AKAP7: variants seen among roughly 807,000 people sequenced by gnomAD.
AKAP7 encodes A-kinase anchoring protein 7, also known as A kinase (PRKA) anchor protein 7.
A neutral mutation model predicts 39.5 loss-of-function variants in AKAP7; 39 were observed. The observed-to-expected ratio is 0.99, with a 90% CI of 0.76 to 1.29. AKAP7 has a LOEUF of 1.29. AKAP7 is among the 50% of genes most tolerant of loss of function. The probability of loss-of-function intolerance (pLI) is 0.00; values close to 1 mark genes in which losing one functional copy is unlikely to be tolerated. For synonymous variants in AKAP7, 140 were observed against 139.1 expected, an observed-to-expected ratio of 1.01 and a Z score of -0.05; for missense variants, 414 against 407.7, an observed-to-expected ratio of 1.02 and a Z score of -0.13.
At chr6:131,168,882 G>A (rs543793524) in intron 4 of AKAP7, among the ~76,000 whole-genome samples, 1 of 152,058 alleles carries the variant, frequency 6.6e-6, no homozygotes, top group Non-Finnish European at 1.5e-5. Context: ...CTACTTTCAT[G>A]TCTTTAATAG....
upstream of AKAP7, among the ~76,000 whole-genome samples, chr6:131,132,240 G>A (rs921350523): frequency 6.6e-6 from 1 of 151,944 alleles, no homozygotes; most frequent in African/African-American, 2.4e-5. Context: ...GGGAACCCGG[G>A]AGGCGGAGCT....
chr6:131,237,623 G>C (rs550890613), intron 7 of AKAP7, among the ~76,000 whole-genome samples: 9 of 152,094 alleles, frequency 5.9e-5, no homozygotes, highest in Non-Finnish European at 1.2e-4. Context: ...CTTCTTCCTG[G>C]TTTAGTCTTG....
intron 5 of AKAP7, among the ~76,000 whole-genome samples, chr6:131,197,473 C>T (rs1401280464): frequency 1.3e-5 from 2 of 152,100 alleles, no homozygotes; most frequent in Non-Finnish European, 2.9e-5. Context: ...CCATCTCTTT[C>T]CCCCTTGTTC....
intron 3 of AKAP7, 57 bp from the exon 4 acceptor site, chr6:131,165,024 G>C: frequency 2.0e-5 from 28 of 1,375,332 alleles, no homozygotes; most frequent in Admixed American, 2.6e-5. Context: ...TTACCATAAA[G>C]AAATTTTGCT....
chr6:131,282,608 C>G lies in AKAP7; in HGVS notation c.*882C>G. The G allele has an allele frequency of 1.3e-6, 2 of 1,529,688 alleles. No individual in the cohort carries two copies. Among genetic ancestry groups the G allele is most frequent in the Non-Finnish European group, 1.8e-6 (2 of 1,141,844 alleles). The allele number at this position is 1,529,688 out of a possible 1,614,324, so 94.8% of individuals were successfully genotyped here. On this transcript the variant is annotated 3_prime_UTR_variant, in exon 8 of 8. Transcript: ENST00000431975. ...TTTCAGCACAACTTTGACATAAGCT[C>G]TACATTGCGATTGTGACAACATAGC...
intron 4 of AKAP7, among the ~76,000 whole-genome samples, chr6:131,167,073 C>T (rs373841944): frequency 1.3e-5 from 2 of 152,120 alleles, no homozygotes; most frequent in Non-Finnish European, 2.9e-5. Context: ...AAAAGACTTA[C>T]AAATGTCCTG....
intron 7 of AKAP7, among the ~76,000 whole-genome samples, chr6:131,255,210 G>A (rs1273722141): frequency 2.6e-5 from 4 of 152,040 alleles, no homozygotes; most frequent in East Asian, 1.9e-4. Flanking sequence ...GGTAGGTGTC[G>A]TACATCTCTC....
In AKAP7 at chr6:131,241,581, G is replaced by A. The variant is rs142213916; in HGVS notation, c.850+21773G>A. ...TCCAGGACATAGATTATATATATGT[G>A]TGTGTGTGTGTGTGTGTGTGTGTGT... On this transcript the variant is annotated intron_variant, in intron 7 of 7. Transcript: ENST00000431975. Among the ~76,000 whole-genome samples, 572 of 57,522 alleles carry A rather than the reference G, an allele frequency of 9.9e-3. 6 individuals carry two copies. Among genetic ancestry groups the A allele is most frequent in the African/African-American group, 0.015 (208 of 13,792 alleles). The allele number at this position is 57,522 out of a possible 152,430, so 37.7% of individuals were successfully genotyped here.
At chr6:131,165,976 T>G (rs1433569064) in intron 4 of AKAP7, among the ~76,000 whole-genome samples, 1 of 152,222 alleles carries the variant, frequency 6.6e-6, no homozygotes, top group East Asian at 1.9e-4. Context: ...TTTTCTACTT[T>G]GACAGCTATA....
chr6:131,131,157 C>A (rs544009428), upstream of AKAP7, among the ~76,000 whole-genome samples: 3 of 152,190 alleles, frequency 2.0e-5, no homozygotes, highest in Non-Finnish European at 4.4e-5. Context: ...ACCAAAGTGA[C>A]TCTCCAGAGG....
chr6:131,148,985 T>C (rs1365155493), intron 2 of AKAP7, among the ~76,000 whole-genome samples: 1 of 152,218 alleles, frequency 6.6e-6, no homozygotes, highest in Non-Finnish European at 1.5e-5. Flanking sequence ...AAGAAATTCT[T>C]GCTAATAGAC....
chr6:131,233,447 A>G (rs1049151963), intron 7 of AKAP7, among the ~76,000 whole-genome samples: 2 of 152,188 alleles, frequency 1.3e-5, no homozygotes, highest in Non-Finnish European at 2.9e-5. Flanking sequence ...TTGTTATTTC[A>G]TGAGGACTGA....
chr6:131,167,037 T>C (rs1461170841), intron 4 of AKAP7, among the ~76,000 whole-genome samples: 6 of 152,148 alleles, frequency 3.9e-5, no homozygotes, highest in African/African-American at 9.7e-5. Flanking sequence ...TAGAAATATA[T>C]TAGGCTAAGC....
chr6:131,225,798 T>C (rs1810111674), intron 7 of AKAP7, among the ~76,000 whole-genome samples: 1 of 152,172 alleles, frequency 6.6e-6, no homozygotes, highest in African/African-American at 2.4e-5. Context: ...CATTAATTGG[T>C]TCATTTTTAG....
chr6:131,265,205 G>T (rs1813682954), intron 7 of AKAP7, among the ~76,000 whole-genome samples: 1 of 152,126 alleles, frequency 6.6e-6, no homozygotes, highest in Admixed American at 6.6e-5. Flanking sequence ...TGCAATTTCG[G>T]CTCACTTTAA....
intron 1 of AKAP7, among the ~76,000 whole-genome samples, chr6:131,143,797 T>A (rs1299391267): frequency 8.7e-5 from 13 of 148,962 alleles, no homozygotes; most frequent in Admixed American, 2.7e-4. Flanking sequence ...CATTCTTGGG[T>A]GTTTCTCGCA....
chr6:131,156,919 C>T (rs776389546), intron 2 of AKAP7, among the ~76,000 whole-genome samples: 23 of 151,888 alleles, frequency 1.5e-4, no homozygotes, highest in Non-Finnish European at 2.5e-4. Context: ...GGACTACAGG[C>T]GGTCGCCACC....
intron 1 of AKAP7, among the ~76,000 whole-genome samples, chr6:131,139,346 G>T (rs1800834859): frequency 6.6e-6 from 1 of 152,146 alleles, no homozygotes; most frequent in South Asian, 2.1e-4. Flanking sequence ...AGAGAAGATA[G>T]TTGTTTGTAT....
chr6:131,188,277 T>G (rs1806061029), intron 5 of AKAP7, among the ~76,000 whole-genome samples: 1 of 152,224 alleles, frequency 6.6e-6, no homozygotes, highest in African/African-American at 2.4e-5. Flanking sequence ...AAAATGGAAC[T>G]GTTTAAGCAG....
Sources: allele counts gnomAD v4.1 joint callset (sites outside exome capture counted in the v4.1 genomes callset), GRCh38; gene constraint gnomAD v4.1.1; transcripts MANE v1.5; gene names NCBI Gene and HGNC (gene_info 2026-07-23, HGNC 2026-07-21).